The following MGAM2 variants were observed in gnomAD, a reference collection of about 807,000 sequenced individuals.
MGAM2 encodes probable maltase-glucoamylase 2.
A neutral mutation model predicts 96.1 loss-of-function variants in MGAM2; 98 were observed. The ratio of observed to expected loss-of-function variants is 1.02; its 90% confidence interval spans 0.87 to 1.21. The LOEUF (loss-of-function observed/expected upper bound fraction) is 1.21. MGAM2 is among the 50% of genes most tolerant of loss of function. MGAM2 has a pLI of 0.00. For missense variants in MGAM2, 2,055 were observed against 1,182.4 expected (o/e 1.74, Z -10.82); for synonymous variants, 749 against 414.8 (o/e 1.81, Z -9.79).
chr7:142,159,442 G>A (rs1215534099), intron 20 of MGAM2, 99 bp downstream of exon 20: 1 of 656,764 alleles, frequency 1.5e-6, no homozygotes, highest in Admixed American at 2.3e-5. Flanking sequence ...AATAGTACAA[G>A]ATTTATAGTT....
At chr7:142,214,805 A>G (rs558396238) in intron 46 of MGAM2, among the ~76,000 whole-genome samples, 69 of 152,330 alleles carry the variant, frequency 4.5e-4, no homozygotes, top group African/African-American at 1.5e-3. Context: ...GAAACAGCAG[A>G]TGCTGGAGAG....
At chr7:142,129,991 G>A (rs11984212) in intron 3 of MGAM2, among the ~76,000 whole-genome samples, 40,842 of 151,764 alleles carry the variant, frequency 0.27, 5,736 homozygotes, top group East Asian at 0.37. Flanking sequence ...GTTAGGTGAG[G>A]AAGGTGAATG....
intron 12 of MGAM2, 96 bp from the exon 13 acceptor site, chr7:142,143,673 A>C: frequency 2.2e-6 from 1 of 455,610 alleles, no homozygotes; most frequent in Non-Finnish European, 3.9e-6. Flanking sequence ...TTCTAAAATG[A>C]CAGCAAAATG....
chr7:142,170,331 A>G (rs1294425774), intron 27 of MGAM2, 102 bp downstream of exon 27: 4 of 538,256 alleles, frequency 7.4e-6, no homozygotes, highest in African/African-American at 5.8e-5. Flanking sequence ...CTCTATGGAA[A>G]TAGGTGTGCA....
intron 17 of MGAM2, among the ~76,000 whole-genome samples, chr7:142,155,703 C>G (rs1464474138): frequency 6.6e-6 from 1 of 152,092 alleles, no homozygotes; most frequent in African/African-American, 2.4e-5. Flanking sequence ...GGTGGGTGCT[C>G]TTCATGAAGC....
intron 46 of MGAM2, among the ~76,000 whole-genome samples, chr7:142,211,138 G>A (rs1053704706): frequency 1.3e-5 from 2 of 152,170 alleles, no homozygotes; most frequent in Non-Finnish European, 2.9e-5. Context: ...GAAAGCAATA[G>A]CATCAACATC....
rs558628692 is a variant in MGAM2, at chr7:142,157,296, T to A, written c.1924-641T>A. On this transcript the variant is annotated intron_variant, in intron 17 of 47. Transcript: ENST00000477922. ...TATGTAAAATAAATTGGAGCAACCC[T>A]GGAGGGAGCAAGTCCCACTTTATCT... 1.1e-4 allele frequency among the ~76,000 whole-genome samples: 17 copies of A among 152,182 alleles called. No individual in the cohort carries two copies. In the South Asian group the frequency reaches 3.5e-3, roughly 32 times the overall value.
intron 6 of MGAM2, among the ~76,000 whole-genome samples, chr7:142,133,029 T>C (rs1794947205): frequency 7.5e-6 from 1 of 132,676 alleles, no homozygotes; most frequent in African/African-American, 2.9e-5. Flanking sequence ...ATATTTTCAT[T>C]TAATTATATT....
rs1253356608 is a variant in MGAM2 at position 142,154,864 on chromosome 7, G to C, written c.1923+19G>C. ...GTTCAGGGTAAGGTCACCAAAAGAA[G>C]TGATGGAAACTTTTTGGATTAGCTA... On this transcript the variant is annotated intron_variant, in intron 17 of 47. Coordinates refer to ENST00000477922, the MANE Select transcript of MGAM2 (RefSeq NM_001293626.2). 2.8e-6 allele frequency: 2 copies of C among 702,608 alleles called. No homozygotes were observed. Among genetic ancestry groups the C allele is most frequent in the Non-Finnish European group, 5.2e-6 (2 of 384,658 alleles). 43.5% of individuals were successfully genotyped at this position (702,608 alleles called of 1,614,324 possible).
At position 142,167,480 on chromosome 7, in the gene MGAM2, G is replaced by A; in HGVS notation, c.3021G>A (p.Gln1007=). ...KVIYHTATML[Q]VKIYDPTNKR... ...TCTATCACACAGCAACCATGCTGCA[G>A]GTCAAGGTAAGGCCCATGTTGCAGA... is the stretch of plus-strand genomic sequence containing the variant. Residue 1007 remains glutamine, a synonymous_variant, in exon 26 of 48, where the codon CAG becomes CAA. Transcript: ENST00000477922. The A allele has an allele frequency of 1.4e-6, 1 of 703,000 alleles. No homozygotes were observed. Among genetic ancestry groups the A allele is most frequent in the Non-Finnish European group, 2.6e-6 (1 of 384,982 alleles). 43.5% of individuals were successfully genotyped at this position (703,000 alleles called of 1,614,324 possible).
intron 26 of MGAM2, among the ~76,000 whole-genome samples, chr7:142,169,839 TAGAAGAAG>T (rs1796138241): frequency 6.6e-6 from 1 of 152,184 alleles, no homozygotes; most frequent in Non-Finnish European, 1.5e-5. Flanking sequence ...ACAGATTCTT[TAGAAGAAG>T]AGCCCTCCTT....
At chr7:142,187,134 C>T (rs1281674718) in intron 35 of MGAM2, among the ~76,000 whole-genome samples, 1 of 152,232 alleles carries the variant, frequency 6.6e-6, no homozygotes, top group African/African-American at 2.4e-5. Context: ...GGAGCCCCTA[C>T]TCCTTGCATT....
intron 15 of MGAM2, among the ~76,000 whole-genome samples, chr7:142,153,091 G>A (rs187791332): frequency 1.7e-4 from 26 of 150,852 alleles, no homozygotes; most frequent in Non-Finnish European, 3.1e-4. Flanking sequence ...TGCCTCTTGG[G>A]TTCAAACGAT....
chr7:142,207,283 GT>G, intron 45 of MGAM2, among the ~76,000 whole-genome samples: 1 of 152,176 alleles, frequency 6.6e-6, no homozygotes, highest in East Asian at 1.9e-4. Context: ...TATATACTAT[GT>G]CACTGGTGAC....
intron 34 of MGAM2, 36 bp from the exon 35 acceptor site, chr7:142,185,953 A>G: frequency 2.9e-6 from 2 of 701,034 alleles, no homozygotes; most frequent in South Asian, 3.0e-5. Flanking sequence ...GTATAGGCTG[A>G]GACCCCGACA....
At chr7:142,142,609 C>T (rs900993205) in intron 12 of MGAM2, among the ~76,000 whole-genome samples, 1 of 147,014 alleles carries the variant, frequency 6.8e-6, no homozygotes, top group East Asian at 2.0e-4. Flanking sequence ...CAGCTCACTG[C>T]AACGATCTCA....
intron 36 of MGAM2, among the ~76,000 whole-genome samples, chr7:142,188,652 G>A (rs1190122881): frequency 6.6e-6 from 1 of 152,122 alleles, no homozygotes; most frequent in Non-Finnish European, 1.5e-5. Flanking sequence ...TCTGACTTAT[G>A]ATTTTCAACC....
At chr7:142,138,331 A>G (rs1359773666) in intron 9 of MGAM2, among the ~76,000 whole-genome samples, 3 of 151,542 alleles carry the variant, frequency 2.0e-5, no homozygotes. Flanking sequence ...TGACACCATT[A>G]CTGAAACATT....
At position 142,139,659 on chromosome 7, in the gene MGAM2, CAAAA is replaced by C. The variant is rs765007343; in HGVS notation, c.1086+1010_1086+1013del. Among the ~76,000 whole-genome samples, 709 of 54,568 alleles carry C rather than the reference CAAAA, an allele frequency of 0.013. 27 individuals carry two copies. The East Asian group carries it at 0.23, about 18-fold the overall frequency. 35.8% of individuals were successfully genotyped at this position (54,568 alleles called of 152,430 possible). On this transcript the variant is annotated intron_variant, in intron 10 of 47. Coordinates refer to ENST00000477922, the MANE Select transcript of MGAM2 (RefSeq NM_001293626.2). ...TGGGTGACAGAGTGAGGCTCTATCT[CAAAA>C]AAAAAAAAAAAAAAAAAGAATATGA...
Sources: allele counts gnomAD v4.1 joint callset (sites outside exome capture counted in the v4.1 genomes callset), GRCh38; gene constraint gnomAD v4.1.1; transcripts MANE v1.5; gene names NCBI Gene and HGNC (gene_info 2026-07-23, HGNC 2026-07-21).